The following AGMO variants were observed in gnomAD, a reference collection of about 807,000 sequenced individuals.
AGMO encodes glyceryl-ether monooxygenase.
Under a neutral mutation model 60.2 loss-of-function variants are expected in AGMO, and 75 were observed. The ratio of observed to expected loss-of-function variants is 1.25; its 90% CI spans 1.03 to 1.51. The LOEUF is 1.51. AGMO is among the 40% of genes most tolerant of loss of function. The pLI, the probability that AGMO is intolerant of heterozygous loss-of-function variation, is 0.00. For synonymous variants in AGMO, 261 were observed against 177.1 expected, an observed-to-expected ratio of 1.47 and a Z score of -3.76; for missense variants, 763 against 525.5, an observed-to-expected ratio of 1.45 and a Z score of -4.42.
chr7:15,450,670 G>T (rs1052598000), intron 3 of AGMO, among the ~76,000 whole-genome samples: 1 of 152,004 alleles, frequency 6.6e-6, no homozygotes, highest in Admixed American at 6.6e-5. Context: ...CAGCAAGTCT[G>T]ATATTATTCT....
intron 3 of AGMO, among the ~76,000 whole-genome samples, chr7:15,454,184 A>T (rs1369398667): frequency 2.0e-5 from 3 of 151,926 alleles, no homozygotes; most frequent in Non-Finnish European, 4.4e-5. Context: ...TGAAAAGTTT[A>T]AAAAAAGGAA....
intron 3 of AGMO, among the ~76,000 whole-genome samples, chr7:15,536,032 T>C (rs1008491794): frequency 2.6e-5 from 4 of 151,902 alleles, no homozygotes; most frequent in Non-Finnish European, 5.9e-5. Flanking sequence ...TGCTGTGTTA[T>C]TAACACAAAA....
chr7:15,222,725 C>T lies in AGMO; in HGVS notation c.1264-21366G>A, dbSNP rs187699884. On this transcript the variant is annotated intron_variant, in intron 12 of 12. Transcript: ENST00000342526. ...TACTTCAGCCTCTTTCAATTTTCCA[C>T]ATATATTTTTCCATATGTGGTTTCC... 5.9e-5 allele frequency among the ~76,000 whole-genome samples: 9 copies of T among 152,096 alleles called. No individual in the cohort carries two copies. The East Asian group carries it at 1.5e-3, about 26-fold the overall frequency.
chr7:15,221,703 A>C (rs1781928894), intron 12 of AGMO, among the ~76,000 whole-genome samples: 2 of 152,140 alleles, frequency 1.3e-5, no homozygotes, highest in South Asian at 4.1e-4. Context: ...CTATTGTTCA[A>C]ATGAATGTTA....
chr7:15,363,761 C>T (rs1782854678), intron 12 of AGMO, among the ~76,000 whole-genome samples: 1 of 152,108 alleles, frequency 6.6e-6, no homozygotes, highest in Non-Finnish European at 1.5e-5. Flanking sequence ...ATTTACAACA[C>T]TGGCTAATGT....
chr7:15,198,207 G>GACAGAGAGAGAGAGAGACAGAGAGAGAC (rs1175086667), downstream of AGMO, among the ~76,000 whole-genome samples: 10 of 67,392 alleles, frequency 1.5e-4, no homozygotes, highest in South Asian at 5.6e-3. Context: ...GAGAGAGAGA[G>GACAGAGAGAGAGAGAGACAGAGAGAGAC]AGAGAGAGAG....
chr7:15,420,209 T>C (rs1467927782), intron 4 of AGMO, among the ~76,000 whole-genome samples: 1 of 152,052 alleles, frequency 6.6e-6, no homozygotes, highest in East Asian at 1.9e-4. Context: ...GGTTAAAAGA[T>C]CAGATAAGTC....
the AGMO span, among the ~76,000 whole-genome samples, chr7:15,120,853 G>C: frequency 0.028 from 4,230 of 152,020 alleles, 209 homozygotes; most frequent in African/African-American, 0.097. Context: ...TGTGCTGAGA[G>C]TGCAGGTTTG....
chr7:15,555,384 A>G (rs903351384), intron 2 of AGMO, among the ~76,000 whole-genome samples: 2 of 150,178 alleles, frequency 1.3e-5, no homozygotes, highest in African/African-American at 4.9e-5. Flanking sequence ...AAATTTTGTT[A>G]TTTATTTACT....
intron 3 of AGMO, among the ~76,000 whole-genome samples, chr7:15,492,499 G>C (rs1049928786): frequency 6.6e-6 from 1 of 152,008 alleles, no homozygotes; most frequent in Admixed American, 6.6e-5. Context: ...TGTGTCCTTA[G>C]GTGCTTGTGG....
chr7:15,419,825 C>T (rs1299388920), intron 4 of AGMO, among the ~76,000 whole-genome samples: 1 of 151,992 alleles, frequency 6.6e-6, no homozygotes, highest in African/African-American at 2.4e-5. Flanking sequence ...CTTCTCTAGG[C>T]TTCAGTTTCC....
At chr7:15,431,161 C>G (rs890404918) in intron 3 of AGMO, 53 bp from the exon 4 acceptor site, 17 of 1,309,144 alleles carry the variant, frequency 1.3e-5, no homozygotes, top group Non-Finnish European at 2.2e-6. Flanking sequence ...AAAGCAACTT[C>G]CATTTTCAGT....
At chr7:15,234,398 C>G (rs1369824245) in intron 12 of AGMO, among the ~76,000 whole-genome samples, 1 of 152,180 alleles carries the variant, frequency 6.6e-6, no homozygotes, top group African/African-American at 2.4e-5. Context: ...TATCTTGACT[C>G]CTTTATCTGC....
At chr7:15,560,971 T>C (rs1785287115) in intron 1 of AGMO, among the ~76,000 whole-genome samples, 2 of 152,194 alleles carry the variant, frequency 1.3e-5, no homozygotes, top group Admixed American at 6.6e-5. Context: ...GAAAGTGTAA[T>C]ATCTAATCTT....
chr7:15,379,790 T>C (rs1783602423), intron 10 of AGMO, among the ~76,000 whole-genome samples: 1 of 151,956 alleles, frequency 6.6e-6, no homozygotes. Context: ...AAATCTAGCA[T>C]CACATCAAAA....
intron 3 of AGMO, among the ~76,000 whole-genome samples, chr7:15,496,440 G>A (rs751398934): frequency 1.1e-4 from 17 of 151,922 alleles, no homozygotes; most frequent in Non-Finnish European, 2.1e-4. Flanking sequence ...ATTATAAAAG[G>A]CTTAGATTCC....
the AGMO span, among the ~76,000 whole-genome samples, chr7:15,166,968 C>CA: frequency 6.6e-6 from 1 of 152,044 alleles, no homozygotes; most frequent in Non-Finnish European, 1.5e-5. Context: ...GTAGAATGTC[C>CA]AGTAGATACT....
chr7:15,393,504 T>C (rs1307062219), intron 6 of AGMO, among the ~76,000 whole-genome samples: 1 of 152,224 alleles, frequency 6.6e-6, no homozygotes, highest in Non-Finnish European at 1.5e-5. Flanking sequence ...ATTTCTATTT[T>C]TTCTATCACA....
At chr7:15,162,769 T>C in the AGMO span, among the ~76,000 whole-genome samples, 4 of 152,140 alleles carry the variant, frequency 2.6e-5, no homozygotes, top group African/African-American at 9.7e-5. Flanking sequence ...AATGTCAACA[T>C]AGAAGAGCCT....
Sources: gnomAD v4.1 joint callset for allele counts (sites outside exome capture counted in the v4.1 genomes callset) on GRCh38, gnomAD v4.1.1 for gene constraint, MANE v1.5 for transcripts, NCBI Gene and HGNC (gene_info 2026-07-23, HGNC 2026-07-21) for gene names.